Variants in CES4A observed in about 807,000 individuals in gnomAD.
CES4A encodes carboxylesterase 6.
A neutral mutation model predicts 65.4 loss-of-function variants in CES4A; 48 were observed. The ratio of observed to expected loss-of-function variants is 0.73; its 90% CI spans 0.58 to 0.93. CES4A has a LOEUF of 0.93. Among genes scored for constraint, CES4A ranks in the 40% least tolerant of loss-of-function variants. The pLI, the probability that CES4A is intolerant of heterozygous loss-of-function variation, is 0.00. For synonymous variants in CES4A, 247 were observed against 281.8 expected (o/e 0.88, Z 1.24); for missense variants, 685 against 728.5 (o/e 0.94, Z 0.69).
In CES4A at chr16:67,003,707, T is replaced by C. The variant is rs1205316148; in HGVS notation, c.939+154T>C. On this transcript the variant is annotated intron_variant, in intron 8 of 13. Coordinates refer to ENST00000648724, the Ensembl canonical transcript of CES4A. This position sits in a 1 kb window ranked among gnomAD's most constrained non-coding sequence, Gnocchi z 4.2. ...GGAGAATAAACCCTATAAATAAATA[T>C]ATTATCCACCTCCTTAGAAGGTGAT... Among the ~76,000 whole-genome samples the C allele has an allele frequency of 1.3e-5, 2 of 152,280 alleles. No homozygotes were observed. The highest frequency in any genetic ancestry group is 1.9e-4 in the East Asian group (1 of 5,182).
At chr16:67,010,009 C>T (rs144642443), downstream of CES4A, among the ~76,000 whole-genome samples, 1 of 152,008 alleles carries the variant, frequency 6.6e-6, no homozygotes, top group African/African-American at 2.4e-5. Flanking sequence ...CTGGCCTCTC[C>T]TGCAGCCCGT....
At chr16:66,997,324 T>C (rs1964934499) in intron 2 of CES4A, among the ~76,000 whole-genome samples, 1 of 152,140 alleles carries the variant, frequency 6.6e-6, no homozygotes. Context: ...AAACTGACCA[T>C]GAGCTGTCAA....
At chr16:66,989,467 G>A (rs548138110) in intron 1 of CES4A, among the ~76,000 whole-genome samples, 154 of 152,054 alleles carry the variant, frequency 1.0e-3, no homozygotes, top group African/African-American at 3.5e-3. Flanking sequence ...GGCTGAGGTG[G>A]GAGGATTACT....
At chr16:66,999,307 G>C (rs1173987943) in intron 2 of CES4A, among the ~76,000 whole-genome samples, 1 of 152,198 alleles carries the variant, frequency 6.6e-6, no homozygotes, top group Admixed American at 6.5e-5. Context: ...AGCCACCTAG[G>C]GGTTGGGCCA....
At chr16:66,998,305 T>G (rs1965019573) in intron 2 of CES4A, among the ~76,000 whole-genome samples, 1 of 151,972 alleles carries the variant, frequency 6.6e-6, no homozygotes, top group African/African-American at 2.4e-5. Flanking sequence ...AGAAAGATAA[T>G]CTGGCCGGGC....
Position 67,001,182 on chromosome 16 carries a change from G to A in CES4A, c.537-126G>A. The A allele has an allele frequency of 7.3e-7, 1 of 1,372,744 alleles. No individual in the cohort carries two copies. Among genetic ancestry groups the A allele is most frequent in the East Asian group, 2.5e-5 (1 of 39,852 alleles). 85.0% of individuals were successfully genotyped at this position (1,372,744 alleles called of 1,614,324 possible). A position where few individuals can be genotyped will look rare whatever the true frequency, so the allele number is the denominator to read the frequency against. On this transcript the variant is annotated intron_variant, in intron 4 of 13. Transcript: ENST00000648724. This position sits in a 1 kb window ranked among gnomAD's most constrained non-coding sequence, Gnocchi z 4.1. ...GGGGCGAGCTAACTCCAAGGAAGGG[G>A]GTGTGGTCGCAGGACTGGGTCTTAG...
intron 1 of CES4A, among the ~76,000 whole-genome samples, chr16:66,991,555 T>A (rs1006857202): frequency 6.6e-6 from 1 of 152,250 alleles, no homozygotes; most frequent in African/African-American, 2.4e-5. Flanking sequence ...GGTGCTTACA[T>A]GCTGCCTCTG....
chr16:67,001,591 C>T lies in CES4A; in HGVS notation c.690+130C>T. On this transcript the variant is annotated intron_variant, in intron 5 of 13. Coordinates refer to ENST00000648724, the Ensembl canonical transcript of CES4A. The surrounding 1 kb of genome is among the most constrained non-coding windows in gnomAD (Gnocchi z 4.1). Reference sequence around the variant, plus strand: ...CGTGCCTGCCACAGAAATGCTCTCGCCCCTGCCAAGGGTACAGCCCCTCAT... The same window carrying T: ...CGTGCCTGCCACAGAAATGCTCTCGTCCCTGCCAAGGGTACAGCCCCTCAT... 6.2e-6 allele frequency: 7 copies of T among 1,133,610 alleles called. 1 individual carries two copies. The South Asian group carries it at 8.1e-5, about 13-fold the overall frequency. 70.2% of individuals were successfully genotyped at this position (1,133,610 alleles called of 1,614,324 possible).
chr16:66,995,147 T>G (rs1284405652), intron 1 of CES4A, among the ~76,000 whole-genome samples: 3 of 151,588 alleles, frequency 2.0e-5, no homozygotes, highest in Non-Finnish European at 4.4e-5. Context: ...CCGCCTCTAC[T>G]AAAAATACAA....
chr16:67,002,019 C>T (rs1372492735), intron 5 of CES4A, among the ~76,000 whole-genome samples: 1 of 152,246 alleles, frequency 6.6e-6, no homozygotes, highest in Non-Finnish European at 1.5e-5. Flanking sequence ...GCCAGGCATT[C>T]TTCTAAGCAC....
chr16:66,996,139 G>A (rs1376955708), intron 2 of CES4A: 3 of 479,026 alleles, frequency 6.3e-6, no homozygotes, highest in Non-Finnish European at 1.2e-5. Context: ...CCGGGTTCAA[G>A]CGAGTCTCCT....
chr16:67,005,289 A>G (rs1362474428), exon 11 of CES4A: 19 of 1,614,122 alleles, frequency 1.2e-5, no homozygotes, highest in East Asian at 2.2e-5. Flanking sequence ...TACCTGGACA[A>G]TGTCAATGAG....
intron 1 of CES4A, among the ~76,000 whole-genome samples, chr16:66,990,755 A>G (rs1288239429): frequency 3.3e-5 from 5 of 152,028 alleles, no homozygotes; most frequent in Non-Finnish European, 7.4e-5. Flanking sequence ...GAATAAACAC[A>G]ATTTTATATT....
chr16:66,995,871 C>A, intron 2 of CES4A, 42 bp downstream of exon 2: 1 of 1,557,704 alleles, frequency 6.4e-7, no homozygotes, highest in Non-Finnish European at 8.8e-7. Context: ...GGCAATGGGC[C>A]TATGCCTGCA....
chr16:66,990,204 A>G (rs920144875), intron 1 of CES4A, among the ~76,000 whole-genome samples: 4 of 151,962 alleles, frequency 2.6e-5, no homozygotes, highest in Admixed American at 6.6e-5. Context: ...GGCGTACACC[A>G]CAAGCCCAGC....
intron 12 of CES4A, 110 bp downstream of exon 12, chr16:67,006,629 T>C (rs1965781739): frequency 3.9e-6 from 6 of 1,539,070 alleles, no homozygotes; most frequent in Non-Finnish European, 5.3e-6. Flanking sequence ...TCCTAATCTG[T>C]TATGCTCTCC....
intron 1 of CES4A, among the ~76,000 whole-genome samples, chr16:66,992,852 A>G (rs943606183): frequency 6.6e-6 from 1 of 151,562 alleles, no homozygotes; most frequent in Non-Finnish European, 1.5e-5. Context: ...AATTATTATT[A>G]TTGGTTTTTT....
At position 67,001,007 on chromosome 16, in the gene CES4A, C is replaced by A; in HGVS notation, c.536+17C>A. 1 of 1,584,168 alleles carries A rather than the reference C, an allele frequency of 6.3e-7. No individual in the cohort carries two copies. The highest frequency in any genetic ancestry group is 1.4e-5 in the African/African-American group (1 of 73,762). On this transcript the variant is annotated intron_variant, in intron 4 of 13. Coordinates refer to ENST00000648724, the Ensembl canonical transcript of CES4A. This position sits in a 1 kb window ranked among gnomAD's most constrained non-coding sequence, Gnocchi z 4.1. ...CTTCCTGAGGTGGCGGGGCCGGTACCCTTTGGGACCGCAGCTGTGGCCAGA... is the reference window on the plus strand; with the variant it reads ...CTTCCTGAGGTGGCGGGGCCGGTACACTTTGGGACCGCAGCTGTGGCCAGA...
intron 1 of CES4A, among the ~76,000 whole-genome samples, chr16:66,995,166 C>T (rs893697722): frequency 5.9e-5 from 9 of 151,602 alleles, no homozygotes; most frequent in African/African-American, 1.7e-4. Context: ...AAAAATTAGC[C>T]GGGTGTGGTG....
Sources: gnomAD v4.1 joint callset for allele counts (sites outside exome capture counted in the v4.1 genomes callset) on GRCh38, gnomAD v4.1.1 for gene constraint, Gnocchi (gnomAD v3.1) non-coding constraint, MANE v1.5 for transcripts, NCBI Gene and HGNC (gene_info 2026-07-23, HGNC 2026-07-21) for gene names.